Variants in VWC2 observed in about 807,000 individuals in gnomAD.
VWC2 encodes the protein brorin.
VWC2 carries 14 observed loss-of-function variants against 29.8 expected under a neutral mutation model. That is an observed-to-expected ratio of 0.47 (90% CI 0.31 to 0.74). VWC2 has a LOEUF of 0.74. Ranked by LOEUF, VWC2 falls within the 30% of genes least tolerant of loss-of-function variation. The pLI is 0.05. For synonymous variants in VWC2, 213 were observed against 199.0 expected (o/e 1.07, Z -0.59); for missense variants, 457 against 459.8 (o/e 0.99, Z 0.05).
intron 3 of VWC2, among the ~76,000 whole-genome samples, chr7:49,809,340 T>C (rs144638199): frequency 6.6e-6 from 1 of 152,150 alleles, no homozygotes; most frequent in African/African-American, 2.4e-5. Context: ...CATTTCTGAA[T>C]TGTCCTAAAA....
intron 2 of VWC2, among the ~76,000 whole-genome samples, chr7:49,793,734 A>G (rs1459675579): frequency 6.6e-6 from 1 of 152,140 alleles, no homozygotes; most frequent in East Asian, 1.9e-4. Flanking sequence ...ACTTTTTTCT[A>G]TTGCAAACTC....
At chr7:49,806,097 C>CG (rs1436649168) in intron 3 of VWC2, among the ~76,000 whole-genome samples, 12 of 149,558 alleles carry the variant, frequency 8.0e-5, no homozygotes, top group Non-Finnish European at 1.6e-4. Flanking sequence ...TTTTAAATTC[C>CG]ACCCCCCCAC....
At chr7:49,814,263 T>G (rs997040396) in intron 3 of VWC2, among the ~76,000 whole-genome samples, 5 of 152,220 alleles carry the variant, frequency 3.3e-5, no homozygotes, top group African/African-American at 1.2e-4. Flanking sequence ...CATCACTTCC[T>G]TTACTAATAC....
At chr7:49,901,485 G>C (rs1294415768) in intron 3 of VWC2, among the ~76,000 whole-genome samples, 1 of 151,402 alleles carries the variant, frequency 6.6e-6, no homozygotes, top group Non-Finnish European at 1.5e-5. Context: ...AAATACTTAG[G>C]TATAAAATTA....
In VWC2 at chr7:49,819,962, C is replaced by T. The variant is rs190318824; in HGVS notation, c.826+17122C>T. Among the ~76,000 whole-genome samples, 132 of 152,254 alleles carry T rather than the reference C, an allele frequency of 8.7e-4. 1 individual carries two copies. Among genetic ancestry groups the T allele is most frequent in the Middle Eastern group, 3.4e-3 (1 of 294 alleles). On this transcript the variant is annotated intron_variant, in intron 3 of 3. Coordinates refer to ENST00000340652, the MANE Select transcript of VWC2 (RefSeq NM_198570.5). ...TCTGCTTCTTCTTAATTGTCTTCAG[C>T]TCAACAATCCTCCCTATTTTGGGAG... is the stretch of plus-strand genomic sequence containing the variant.
intron 2 of VWC2, 140 bp from the exon 3 acceptor site, chr7:49,802,569 CAG>C (rs1370504878): frequency 2.6e-6 from 3 of 1,137,264 alleles, no homozygotes; most frequent in Middle Eastern, 2.5e-4. Flanking sequence ...ACTCGGGAAA[CAG>C]AGGTTGCGGT....
chr7:49,833,677 T>G (rs897782441), intron 3 of VWC2, among the ~76,000 whole-genome samples: 7 of 151,912 alleles, frequency 4.6e-5, no homozygotes, highest in African/African-American at 7.3e-5. Context: ...CATCTGAGAG[T>G]GATATTTTTG....
intron 2 of VWC2, among the ~76,000 whole-genome samples, chr7:49,797,018 G>T (rs1273782671): frequency 6.6e-6 from 1 of 152,120 alleles, no homozygotes; most frequent in Non-Finnish European, 1.5e-5. Flanking sequence ...TAATTATTCA[G>T]AAATAGATTC....
chr7:49,870,149 C>T (rs1450468231), intron 3 of VWC2, among the ~76,000 whole-genome samples: 1 of 152,106 alleles, frequency 6.6e-6, no homozygotes, highest in Non-Finnish European at 1.5e-5. Flanking sequence ...ACCTGTAATC[C>T]CAGCACTTTG....
In VWC2 at chr7:49,915,630, C is replaced by T. The variant is rs1303074127; in HGVS notation, c.*3445C>T. 1 of 152,048 alleles carries T rather than the reference C, an allele frequency of 6.6e-6. No individual in the cohort carries two copies. The highest frequency in any genetic ancestry group is 1.5e-5 in the Non-Finnish European group (1 of 67,984). The allele number at this position is 152,048 out of a possible 1,614,324, so 9.4% of individuals were successfully genotyped here. A position where few individuals can be genotyped will look rare whatever the true frequency, so the allele number is the denominator to read the frequency against. On this transcript the variant is annotated 3_prime_UTR_variant, in exon 4 of 4. Transcript: ENST00000340652. ...CAAAATATACACTGTTTCAAACAAGCATTGTTGGAAACTAAATCCATTATT... is the reference window on the plus strand; with the variant it reads ...CAAAATATACACTGTTTCAAACAAGTATTGTTGGAAACTAAATCCATTATT...
At chr7:49,901,109 C>A (rs973685526) in intron 3 of VWC2, 1 of 151,996 alleles carries the variant, frequency 6.6e-6, no homozygotes, top group Non-Finnish European at 1.5e-5. Context: ...CCTACAACAT[C>A]GTACTTACTG....
intron 3 of VWC2, among the ~76,000 whole-genome samples, chr7:49,865,809 A>G (rs1790860676): frequency 6.6e-6 from 1 of 152,156 alleles, no homozygotes; most frequent in Admixed American, 6.5e-5. Context: ...ACCTTATCCC[A>G]GCACCCAGAA....
At chr7:49,835,282 T>A (rs1202251172) in intron 3 of VWC2, among the ~76,000 whole-genome samples, 2 of 152,206 alleles carry the variant, frequency 1.3e-5, no homozygotes, top group Non-Finnish European at 2.9e-5. Context: ...CAAGGAGGAA[T>A]GAGAGGTGAC....
chr7:49,790,816 T>C (rs1335805426), intron 2 of VWC2, among the ~76,000 whole-genome samples: 1 of 151,860 alleles, frequency 6.6e-6, no homozygotes, highest in Non-Finnish European at 1.5e-5. Context: ...TAAGACAGTT[T>C]CAGGGAAGAA....
At chr7:49,792,000 G>A (rs1025335669) in intron 2 of VWC2, among the ~76,000 whole-genome samples, 4 of 152,188 alleles carry the variant, frequency 2.6e-5, no homozygotes, top group African/African-American at 9.7e-5. Context: ...AGGTGCAGTG[G>A]TGGAAGGGCC....
chr7:49,877,481 A>AAAAATATACATATATATATAT lies in VWC2; in HGVS notation c.827-34552_827-34551insAAATATACATATATATATATA. On this transcript the variant is annotated intron_variant, in intron 3 of 3. Transcript: ENST00000340652. ...CTGTCTCAAAAAAAAAAAAAAAAAA[A>AAAAATATACATATATATATAT]ATATATATATATATATATATATATA... Among the ~76,000 whole-genome samples the AAAAATATACATATATATATAT allele has an allele frequency of 1.5e-3, 19 of 12,730 alleles. 2 individuals are homozygous for AAAAATATACATATATATATAT. The highest frequency in any genetic ancestry group is 3.3e-3 in the South Asian group (1 of 302). The allele number at this position is 12,730 out of a possible 152,430, so 8.4% of individuals were successfully genotyped here. A position where few individuals can be genotyped will look rare whatever the true frequency, so the allele number is the denominator to read the frequency against.
At chr7:49,870,175 C>A (rs184963296) in intron 3 of VWC2, among the ~76,000 whole-genome samples, 74 of 152,088 alleles carry the variant, frequency 4.9e-4, no homozygotes, top group Middle Eastern at 3.4e-3. Context: ...CCGAGGTGGG[C>A]GGATCACGAG....
chr7:49,896,755 C>T (rs1050058900), intron 3 of VWC2, among the ~76,000 whole-genome samples: 26 of 151,918 alleles, frequency 1.7e-4, no homozygotes, highest in Admixed American at 3.9e-4. Context: ...ATATTATCAG[C>T]GACTCTATGC....
At chr7:49,789,484 A>T (rs773552776) in intron 2 of VWC2, among the ~76,000 whole-genome samples, 14 of 152,064 alleles carry the variant, frequency 9.2e-5, no homozygotes, top group Non-Finnish European at 1.9e-4. Context: ...TCATTTTCTT[A>T]CTTGACTGGT....
Sources: gnomAD v4.1 joint callset for allele counts (sites outside exome capture counted in the v4.1 genomes callset) on GRCh38, gnomAD v4.1.1 for gene constraint, MANE v1.5 for transcripts, NCBI Gene and HGNC (gene_info 2026-07-23, HGNC 2026-07-21) for gene names.